SPAG16: variants seen among roughly 807,000 people sequenced by gnomAD.
SPAG16 encodes sperm-associated antigen 16 protein.
Under a neutral mutation model 80.4 loss-of-function variants are expected in SPAG16, and 86 were observed. That is an observed-to-expected ratio of 1.07 (90% CI 0.90 to 1.28). SPAG16 has a LOEUF of 1.28. SPAG16 is among the 50% of genes most tolerant of loss of function. The pLI is 0.00. For synonymous variants in SPAG16, 294 were observed against 265.9 expected (o/e 1.11, Z -1.03); for missense variants, 870 against 765.3 (o/e 1.14, Z -1.61).
Position 213,366,799 on chromosome 2 carries a change from T to A in SPAG16, c.832+2654T>A, listed in dbSNP as rs187885593. Among the ~76,000 whole-genome samples the A allele has an allele frequency of 2.7e-3, 405 of 152,194 alleles. 1 individual carries two copies. Among genetic ancestry groups the A allele is most frequent in the African/African-American group, 8.7e-3 (361 of 41,520 alleles). On this transcript the variant is annotated intron_variant, in intron 8 of 15. Coordinates refer to ENST00000331683, the MANE Select transcript of SPAG16 (RefSeq NM_024532.5). ...TACATGCAATAGAATCTTTTTTTTT[T>A]AATTATACTTTAAGTTCTAGGATAC...
rs1294221945 is a variant in SPAG16 at position 213,703,310 on chromosome 2, C to A, written c.1071-159175C>A. Among the ~76,000 whole-genome samples, 3 of 152,188 alleles carry A rather than the reference C, an allele frequency of 2.0e-5. No individual in the cohort carries two copies. In the East Asian group the frequency reaches 5.8e-4, roughly 29 times the overall value. On this transcript the variant is annotated intron_variant, in intron 10 of 15. Coordinates refer to ENST00000331683, the MANE Select transcript of SPAG16 (RefSeq NM_024532.5). ...CAAAGATTATTAGGAACTTGGCTGTCCTGTTCTCCAGCATTGTCCTTTCCT... is the reference window on the plus strand; with the variant it reads ...CAAAGATTATTAGGAACTTGGCTGTACTGTTCTCCAGCATTGTCCTTTCCT...
At chr2:213,401,783 A>G (rs879315420) in intron 9 of SPAG16, among the ~76,000 whole-genome samples, 1 of 151,818 alleles carries the variant, frequency 6.6e-6, no homozygotes, top group African/African-American at 2.4e-5. Context: ...TTTTTGCTTT[A>G]TGTTAATTTA....
At chr2:213,463,354 A>C (rs1370526813) in intron 9 of SPAG16, among the ~76,000 whole-genome samples, 2 of 152,266 alleles carry the variant, frequency 1.3e-5, no homozygotes, top group African/African-American at 2.4e-5. Flanking sequence ...AAGGAGCTGA[A>C]TGTTAATCAC....
chr2:214,171,588 G>T (rs1016844781), intron 15 of SPAG16, among the ~76,000 whole-genome samples: 3 of 151,726 alleles, frequency 2.0e-5, no homozygotes, highest in African/African-American at 7.3e-5. Flanking sequence ...GTTTAAATTC[G>T]AACATATTTT....
chr2:213,509,904 A>G (rs1301369707), intron 10 of SPAG16, among the ~76,000 whole-genome samples: 1 of 152,220 alleles, frequency 6.6e-6, no homozygotes, highest in African/African-American at 2.4e-5. Flanking sequence ...GATCAACAAA[A>G]TTGATAGACT....
At chr2:213,333,847 C>T (rs1487016516) in intron 5 of SPAG16, among the ~76,000 whole-genome samples, 1 of 151,944 alleles carries the variant, frequency 6.6e-6, no homozygotes, top group Non-Finnish European at 1.5e-5. Context: ...GTGCAAAAAT[C>T]AAATCAAAAT....
chr2:214,180,743 C>T (rs145879936), intron 15 of SPAG16, among the ~76,000 whole-genome samples: 2 of 151,748 alleles, frequency 1.3e-5, no homozygotes, highest in East Asian at 3.9e-4. Context: ...TATTTCTTTG[C>T]AGTATGGGCT....
intron 10 of SPAG16, among the ~76,000 whole-genome samples, chr2:213,773,995 C>A (rs1237440034): frequency 6.6e-6 from 1 of 152,140 alleles, no homozygotes; most frequent in Non-Finnish European, 1.5e-5. Flanking sequence ...TTATAGCATT[C>A]ATTGCTCTTT....
intron 10 of SPAG16, among the ~76,000 whole-genome samples, chr2:213,782,582 T>C (rs540019905): frequency 2.0e-4 from 31 of 152,312 alleles, no homozygotes; most frequent in South Asian, 8.3e-4. Context: ...GAACTGAAGG[T>C]TGAAATTACA....
chr2:213,837,745 T>C (rs1402060395), intron 10 of SPAG16, among the ~76,000 whole-genome samples: 1 of 152,164 alleles, frequency 6.6e-6, no homozygotes, highest in Non-Finnish European at 1.5e-5. Flanking sequence ...TTGGGAATAT[T>C]AAGATAAGGA....
intron 10 of SPAG16, among the ~76,000 whole-genome samples, chr2:213,711,719 C>T (rs2065995808): frequency 6.6e-6 from 1 of 151,906 alleles, no homozygotes. Flanking sequence ...GGGATTTCAC[C>T]ATGTTGGCCA....
intron 15 of SPAG16, among the ~76,000 whole-genome samples, chr2:214,388,323 GC>G (rs1700875845): frequency 6.6e-6 from 1 of 152,046 alleles, no homozygotes; most frequent in African/African-American, 2.4e-5. Context: ...CCCTCCTAAG[GC>G]CTTGGAAGGG....
Position 213,705,359 on chromosome 2 carries a change from T to G in SPAG16, c.1071-157126T>G, listed in dbSNP as rs141496110. Among the ~76,000 whole-genome samples, 650 of 152,316 alleles carry G rather than the reference T, an allele frequency of 4.3e-3. 4 individuals carry two copies. Among genetic ancestry groups the G allele is most frequent in the African/African-American group, 0.014 (602 of 41,570 alleles). On this transcript the variant is annotated intron_variant, in intron 10 of 15. Coordinates refer to ENST00000331683, the MANE Select transcript of SPAG16 (RefSeq NM_024532.5). ...ATTGATTTAAAGTGTCACACTGGTT[T>G]GGACACTTCATCTGGATGGGCTTCA...
At chr2:214,149,784 T>C (rs549710765) in intron 15 of SPAG16, among the ~76,000 whole-genome samples, 2 of 152,266 alleles carry the variant, frequency 1.3e-5, no homozygotes, top group Admixed American at 1.3e-4. Flanking sequence ...AATGTTATTA[T>C]ATTTAGTTTT....
At chr2:213,876,570 T>G (rs2076151421) in intron 11 of SPAG16, among the ~76,000 whole-genome samples, 1 of 152,140 alleles carries the variant, frequency 6.6e-6, no homozygotes. Context: ...TGGCCAAATA[T>G]CTCAATGTCA....
intron 10 of SPAG16, among the ~76,000 whole-genome samples, chr2:213,745,292 G>A (rs1049253210): frequency 6.6e-6 from 1 of 152,030 alleles, no homozygotes; most frequent in Non-Finnish European, 1.5e-5. Flanking sequence ...GCCCAGGCTG[G>A]AGCGCAATGG....
chr2:213,846,328 TG>T (rs2074624811), intron 10 of SPAG16, among the ~76,000 whole-genome samples: 1 of 151,958 alleles, frequency 6.6e-6, no homozygotes, highest in Non-Finnish European at 1.5e-5. Flanking sequence ...ATTATATACA[TG>T]TGTATGTATA....
At chr2:213,434,744 C>T (rs1189308384) in intron 9 of SPAG16, among the ~76,000 whole-genome samples, 1 of 152,084 alleles carries the variant, frequency 6.6e-6, no homozygotes, top group African/African-American at 2.4e-5. Flanking sequence ...AAATTAAAAC[C>T]ACAATGATAT....
intron 10 of SPAG16, among the ~76,000 whole-genome samples, chr2:213,722,500 G>C (rs990196405): frequency 2.0e-5 from 3 of 152,162 alleles, no homozygotes; most frequent in Non-Finnish European, 4.4e-5. Context: ...CACATGCAGA[G>C]CACAGGTATT....
Sources: gnomAD v4.1 joint callset for allele counts (sites outside exome capture counted in the v4.1 genomes callset) on GRCh38, gnomAD v4.1.1 for gene constraint, MANE v1.5 for transcripts, NCBI Gene and HGNC (gene_info 2026-07-23, HGNC 2026-07-21) for gene names.